GLIS3: variants seen among roughly 807,000 people sequenced by gnomAD.
The protein encoded by GLIS3 is zinc finger protein GLIS3.
GLIS3 carries 53 observed loss-of-function variants against 78.6 expected under a neutral mutation model. That is an observed-to-expected ratio of 0.67 (90% CI 0.54 to 0.85). GLIS3 has a LOEUF of 0.85. Among genes scored for constraint, GLIS3 ranks in the 40% least tolerant of loss-of-function variants. The pLI is 0.00. For missense variants in GLIS3, 1,703 were observed against 1,231.1 expected (o/e 1.38, Z -5.74); for synonymous variants, 684 against 509.9 (o/e 1.34, Z -4.60).
At chr9:4,080,248 G>C (rs7027815) in intron 4 of GLIS3, among the ~76,000 whole-genome samples, 41,626 of 151,888 alleles carry the variant, frequency 0.27, 6,371 homozygotes, top group African/African-American at 0.4. Context: ...AGCATTTCCT[G>C]AGCACCCACC....
intron 2 of GLIS3, among the ~76,000 whole-genome samples, chr9:4,317,768 T>G (rs1222647405): frequency 6.6e-6 from 1 of 152,202 alleles, no homozygotes; most frequent in African/African-American, 2.4e-5. Context: ...TCAGAATTTA[T>G]TTACTGTTCA....
At chr9:4,282,645 G>C (rs1305963505) in intron 2 of GLIS3, among the ~76,000 whole-genome samples, 1 of 152,020 alleles carries the variant, frequency 6.6e-6, no homozygotes, top group Non-Finnish European at 1.5e-5. Context: ...GAAACCATTG[G>C]CTCTCCTGGG....
chr9:4,164,827 A>T (rs1177869980), intron 2 of GLIS3, among the ~76,000 whole-genome samples: 2 of 152,226 alleles, frequency 1.3e-5, no homozygotes, highest in East Asian at 3.9e-4. Context: ...TCCCAAGCAA[A>T]GCAAAGACCA....
intron 4 of GLIS3, among the ~76,000 whole-genome samples, chr9:4,019,339 G>T (rs532258208): frequency 2.1e-4 from 32 of 152,282 alleles, no homozygotes; most frequent in African/African-American, 7.7e-4. Flanking sequence ...AGCCAGCAAA[G>T]AAATACAGAG....
chr9:3,837,716 T>G (rs1015605675), intron 9 of GLIS3, among the ~76,000 whole-genome samples: 6 of 152,200 alleles, frequency 3.9e-5, no homozygotes, highest in Admixed American at 3.3e-4. Flanking sequence ...TACAACATTC[T>G]GGAAAAGGCA....
intron 9 of GLIS3, among the ~76,000 whole-genome samples, chr9:3,834,065 T>A (rs762805313): frequency 6.6e-6 from 1 of 152,194 alleles, no homozygotes; most frequent in Non-Finnish European, 1.5e-5. Context: ...AACTGAAACG[T>A]TTTATACATT....
exon 1 of GLIS3, chr9:4,348,286 C>G (rs1048027554): frequency 2.0e-5 from 3 of 152,152 alleles, no homozygotes; most frequent in Admixed American, 2.0e-4. Context: ...TTCACAATAT[C>G]ATCGAGGACC....
chr9:3,847,221 A>T (rs1369853881), intron 9 of GLIS3, among the ~76,000 whole-genome samples: 2 of 151,470 alleles, frequency 1.3e-5, no homozygotes, highest in African/African-American at 4.9e-5. Flanking sequence ...AAATAAAAAA[A>T]AATAAAATAA....
chr9:4,314,045 C>T (rs1423570283), intron 2 of GLIS3, among the ~76,000 whole-genome samples: 1 of 152,158 alleles, frequency 6.6e-6, no homozygotes, highest in Non-Finnish European at 1.5e-5. Flanking sequence ...TGAGTTTAAG[C>T]CAACTCTAGC....
At position 4,219,813 on chromosome 9, in the gene GLIS3, CCTGTCCAG is replaced by C. The variant is rs1400787668; in HGVS notation, c.388+66217_388+66224del. Reference sequence around the variant, plus strand: ...CACGCAGAGCAAAGCAGGGGTGGAGCCTGTCCAGCTGCTACGTATTTCCTAGGTCTCCC... The same window carrying C: ...CACGCAGAGCAAAGCAGGGGTGGAGCCTGCTACGTATTTCCTAGGTCTCCC... On this transcript the variant is annotated intron_variant, in intron 2 of 10. Transcript: ENST00000381971. Among the ~76,000 whole-genome samples, 43 of 152,220 alleles carry C rather than the reference CCTGTCCAG, an allele frequency of 2.8e-4. 1 individual carries two copies. Among genetic ancestry groups the C allele is most frequent in the South Asian group, 2.3e-3 (11 of 4,820 alleles).
chr9:4,052,678 A>T (rs115778021), intron 4 of GLIS3, among the ~76,000 whole-genome samples: 2,375 of 152,282 alleles, frequency 0.016, 60 homozygotes, highest in African/African-American at 0.055. Flanking sequence ...TTATTCTAAA[A>T]TTTCACTATA....
chr9:4,461,598 T>A, the GLIS3 span, among the ~76,000 whole-genome samples: 1 of 152,212 alleles, frequency 6.6e-6, no homozygotes, highest in Non-Finnish European at 1.5e-5. Context: ...CTCTGGGAGC[T>A]TGTTCTTCCT....
intron 2 of GLIS3, among the ~76,000 whole-genome samples, chr9:4,256,086 G>C (rs965082816): frequency 6.6e-6 from 1 of 151,922 alleles, no homozygotes; most frequent in Non-Finnish European, 1.5e-5. Flanking sequence ...TTATTTAAAA[G>C]AGTCATAAAG....
chr9:4,213,248 G>A (rs1820529501), intron 2 of GLIS3, among the ~76,000 whole-genome samples: 1 of 152,114 alleles, frequency 6.6e-6, no homozygotes, highest in South Asian at 2.1e-4. Flanking sequence ...GAAACCCTAT[G>A]CATCTTTGTC....
At chr9:4,382,227 A>C in the GLIS3 span, among the ~76,000 whole-genome samples, 6 of 152,230 alleles carry the variant, frequency 3.9e-5, no homozygotes, top group Non-Finnish European at 7.3e-5. Flanking sequence ...TGGAAAAATC[A>C]GGGTAAATAT....
intron 8 of GLIS3, among the ~76,000 whole-genome samples, chr9:3,863,844 G>A (rs749799706): frequency 7.9e-5 from 12 of 151,730 alleles, no homozygotes; most frequent in Non-Finnish European, 1.2e-4. Context: ...TTTTTTCTTC[G>A]AAATGCTGAA....
At chr9:3,991,252 T>G (rs1229582636) in intron 4 of GLIS3, among the ~76,000 whole-genome samples, 1 of 152,130 alleles carries the variant, frequency 6.6e-6, no homozygotes, top group East Asian at 1.9e-4. Context: ...ATGGGTACAA[T>G]AGTAGCCATC....
At chr9:4,351,162 G>C (rs1817966182), upstream of GLIS3, among the ~76,000 whole-genome samples, 1 of 152,112 alleles carries the variant, frequency 6.6e-6, no homozygotes, top group Admixed American at 6.5e-5. Context: ...AGAATTGCTT[G>C]AACACAGGAG....
At chr9:4,211,901 A>C (rs1820408467) in intron 2 of GLIS3, among the ~76,000 whole-genome samples, 1 of 152,270 alleles carries the variant, frequency 6.6e-6, no homozygotes, top group African/African-American at 2.4e-5. Flanking sequence ...CATTTTTCTA[A>C]GTGAAAGAAG....
Sources: gnomAD v4.1 joint callset for allele counts (sites outside exome capture counted in the v4.1 genomes callset) on GRCh38, gnomAD v4.1.1 for gene constraint, MANE v1.5 for transcripts, NCBI Gene and HGNC (gene_info 2026-07-23, HGNC 2026-07-21) for gene names.